The following NTAN1 variants were observed in gnomAD, a reference collection of about 807,000 sequenced individuals.
NTAN1 encodes the protein protein N-terminal asparagine amidohydrolase.
Under a neutral mutation model 41.9 loss-of-function variants are expected in NTAN1, and 32 were observed. That is an observed-to-expected ratio of 0.76 (90% CI 0.58 to 1.03). NTAN1 has a LOEUF of 1.03. Ranked by LOEUF, NTAN1 falls within the 50% of genes least tolerant of loss-of-function variation. The pLI, the probability that NTAN1 is intolerant of heterozygous loss-of-function variation, is 0.00. For synonymous variants in NTAN1, 140 were observed against 139.5 expected (o/e 1.00, Z -0.03); for missense variants, 377 against 377.5 (o/e 1.00, Z 0.01).
intron 7 of NTAN1, 44 bp downstream of exon 7, chr16:15,041,024 C>T: frequency 1.5e-6 from 2 of 1,332,414 alleles, no homozygotes; most frequent in South Asian, 1.2e-5. Context: ...TTTAACTGCA[C>T]ATGTGACCAA....
At chr16:15,044,519 C>T (rs1389483727) in intron 4 of NTAN1, 112 bp from the exon 5 acceptor site, 4 of 747,072 alleles carry the variant, frequency 5.4e-6, no homozygotes, top group South Asian at 4.6e-5. Context: ...TACAGCAGAG[C>T]TGCAGGTCAT....
Position 15,047,498 on chromosome 16 carries a change from C to A in NTAN1, c.303G>T (p.Glu101Asp). The A allele has an allele frequency of 1.2e-6, 2 of 1,614,106 alleles. No individual in the cohort carries two copies. The highest frequency in any genetic ancestry group is 1.7e-6 in the Non-Finnish European group (2 of 1,179,962). Residue 101 changes from glutamate to aspartate, a missense_variant, in exon 4 of 10, where the codon GAG becomes GAT. Coordinates refer to ENST00000287706, the MANE Select transcript of NTAN1 (RefSeq NM_173474.4). ...THCDGTDTKA[E>D]VPLIMNSIKS... ...TTATGGAGTTCATGATCAAGGGGAC[C>A]TCAGCTTTGGTGTCGGTTCCGTCAC...
chr16:15,041,416 C>T (rs565231910), intron 6 of NTAN1, among the ~76,000 whole-genome samples: 1 of 152,074 alleles, frequency 6.6e-6, no homozygotes, highest in East Asian at 1.9e-4. Flanking sequence ...TCCTGGTAGA[C>T]GAGGGGGCTG....
chr16:15,044,362 C>T lies in NTAN1; in HGVS notation c.405G>A (p.Leu135=), dbSNP rs759104401. 6.2e-6 allele frequency: 10 copies of T among 1,613,340 alleles called. No homozygotes were observed. The South Asian group carries it at 7.7e-5, about 12-fold the overall frequency. The change falls in exon 5 of 10, where the codon TTG becomes TTA. Residue 135 remains leucine, a synonymous_variant. Coordinates refer to ENST00000287706, the MANE Select transcript of NTAN1 (RefSeq NM_173474.4). ...GAAGTTGATGAGTGAGTTTTTGTGACAACTGCCTGTCGTCACTGAAGCCTC... is the reference window on the plus strand; with the variant it reads ...GAAGTTGATGAGTGAGTTTTTGTGATAACTGCCTGTCGTCACTGAAGCCTC... ...LVGGFSDDRQ[L]SQKLTHQLLS...
At chr16:15,044,121 A>T (rs1035082782) in intron 5 of NTAN1, among the ~76,000 whole-genome samples, 1 of 151,968 alleles carries the variant, frequency 6.6e-6, no homozygotes, top group Non-Finnish European at 1.5e-5. Flanking sequence ...TTTAGTAGAA[A>T]ATCTTGTCCC....
At position 15,040,398 on chromosome 16, in the gene NTAN1, G is replaced by A. The variant is rs1597754058; in HGVS notation, c.542-332C>T. 3 of 286,310 alleles carry A rather than the reference G, an allele frequency of 1.0e-5. No individual in the cohort carries two copies. The East Asian group carries it at 2.0e-4, about 20-fold the overall frequency. The allele number at this position is 286,310 out of a possible 1,614,324, so 17.7% of individuals were successfully genotyped here. On this transcript the variant is annotated intron_variant, in intron 7 of 9. Coordinates refer to ENST00000287706, the MANE Select transcript of NTAN1 (RefSeq NM_173474.4). ...GGTGTACGGCCAGGGGTGGCTGGGT[G>A]AACTGTGATCGTTCTGTTTGAATCT...
intron 1 of NTAN1, among the ~76,000 whole-genome samples, chr16:15,049,185 C>T (rs1283652311): frequency 6.6e-6 from 1 of 151,678 alleles, no homozygotes; most frequent in Non-Finnish European, 1.5e-5. Flanking sequence ...CACACCGCCA[C>T]ACCTGGCTGA....
Position 15,056,006 on chromosome 16 carries a change from C to A in NTAN1, c.-35G>T. ...GGCCGCCCAGGCAGGCCCAGGGAGG[C>A]GGCGGCCCCCCGCTTTGCAGCCCCG... On this transcript the variant is annotated 5_prime_UTR_variant, in exon 1 of 10. Coordinates refer to ENST00000287706, the MANE Select transcript of NTAN1 (RefSeq NM_173474.4). The A allele has an allele frequency of 8.8e-7, 1 of 1,139,780 alleles. No individual in the cohort carries two copies. Among genetic ancestry groups the A allele is most frequent in the Non-Finnish European group, 1.1e-6 (1 of 915,952 alleles). 70.6% of individuals were successfully genotyped at this position (1,139,780 alleles called of 1,614,324 possible).
In NTAN1 at chr16:15,041,633, T is replaced by C. The variant is rs768760001; in HGVS notation, c.477A>G (p.Leu159=). The change falls in exon 6 of 10, where the codon TTA becomes TTG. Residue 159 remains leucine (L), a synonymous_variant. Transcript: ENST00000287706. The part of the protein sequence containing the change: ...RQEDDIHLVT[L]CVTELNDREE... ...AATGGCAGGACTTACCTGTCACACA[T>C]AATGTCACTAAGTGAATGTCATCTT... 3.7e-6 allele frequency: 6 copies of C among 1,610,324 alleles called. No homozygotes were observed. The African/African-American group carries it at 4.0e-5, about 11-fold the overall frequency.
chr16:15,038,344 T>C, intron 9 of NTAN1, 134 bp from the exon 10 acceptor site: 1 of 659,926 alleles, frequency 1.5e-6, no homozygotes. Flanking sequence ...GTGGCCTGAA[T>C]TAGTAAGAAA....
intron 4 of NTAN1, among the ~76,000 whole-genome samples, chr16:15,046,960 C>A (rs374257380): frequency 6.6e-6 from 1 of 152,256 alleles, no homozygotes; most frequent in South Asian, 2.1e-4. Context: ...TTCTCCACAG[C>A]CCCGCCTCAC....
At chr16:15,047,372 T>C in intron 4 of NTAN1, 70 bp downstream of exon 4, 1 of 1,020,372 alleles carries the variant, frequency 9.8e-7, no homozygotes, top group South Asian at 1.3e-5. Flanking sequence ...CCTAACAGCT[T>C]CCACAGCCAC....
intron 1 of NTAN1, among the ~76,000 whole-genome samples, chr16:15,054,356 C>G (rs987104149): frequency 6.6e-6 from 1 of 152,194 alleles, no homozygotes; most frequent in Non-Finnish European, 1.5e-5. Flanking sequence ...CCCGGTATGT[C>G]ACCAAATCTC....
chr16:15,038,707 G>A lies in NTAN1; in HGVS notation c.640-20C>T. On this transcript the variant is annotated intron_variant, in intron 8 of 9. Coordinates refer to ENST00000287706, the MANE Select transcript of NTAN1 (RefSeq NM_173474.4). ...AATCATCTAAAAAAGAACGTGTCAA[G>A]GATAGAATTTCAGGAATGTCACCCA... 7.3e-7 allele frequency: 1 copy of A among 1,378,752 alleles called. No individual in the cohort carries two copies. The highest frequency in any genetic ancestry group is 2.3e-5 in the East Asian group (1 of 43,584). The allele number at this position is 1,378,752 out of a possible 1,614,324, so 85.4% of individuals were successfully genotyped here. A position where few individuals can be genotyped will look rare whatever the true frequency, so the allele number is the denominator to read the frequency against.
At chr16:15,051,701 T>TA (rs1047010572) in intron 1 of NTAN1, among the ~76,000 whole-genome samples, 1 of 146,570 alleles carries the variant, frequency 6.8e-6, no homozygotes, top group African/African-American at 2.5e-5. Context: ...ATTTTTAATT[T>TA]TTTTTTTTTT....
In NTAN1 at chr16:15,047,512, C is replaced by T. The variant is rs745459557; in HGVS notation, c.289G>A (p.Asp97Asn). 10 of 1,614,014 alleles carry T rather than the reference C, an allele frequency of 6.2e-6. No individual in the cohort carries two copies. The highest frequency in any genetic ancestry group is 1.6e-4 in the Middle Eastern group (1 of 6,062). ...ATCLTHCDGT[D>N]TKAEVPLIMN... ...ATCAAGGGGACCTCAGCTTTGGTGT[C>T]GGTTCCGTCACAATGTGTCAAGCAG... Residue 97 changes from aspartate to asparagine, a missense_variant, in exon 4 of 10, where the codon GAC becomes AAC. Coordinates refer to ENST00000287706, the MANE Select transcript of NTAN1 (RefSeq NM_173474.4).
At chr16:15,055,665 C>A (rs1003898852) in intron 1 of NTAN1, 4 of 362,002 alleles carry the variant, frequency 1.1e-5, no homozygotes, top group African/African-American at 2.1e-5. Context: ...CTCTCTGGGC[C>A]CCCGTCCCCT....
chr16:15,040,436 A>G (rs950666103), intron 7 of NTAN1: 1 of 213,094 alleles, frequency 4.7e-6, no homozygotes, highest in African/African-American at 2.3e-5. Context: ...ACAATTTAGT[A>G]TTTTATACAT....
Position 15,056,028 on chromosome 16 carries a change from C to G in NTAN1, c.-57G>C. Reference sequence around the variant, plus strand: ...AGGCGGCGGCCCCCCGCTTTGCAGCCCCGGGCCGCCCGCCGCCCCCGCCCC... The same window carrying G: ...AGGCGGCGGCCCCCCGCTTTGCAGCGCCGGGCCGCCCGCCGCCCCCGCCCC... On this transcript the variant is annotated 5_prime_UTR_variant, in exon 1 of 10. Transcript: ENST00000287706. The G allele has an allele frequency of 1.2e-6, 1 of 834,414 alleles. No individual in the cohort carries two copies. The allele number at this position is 834,414 out of a possible 1,614,324, so 51.7% of individuals were successfully genotyped here. A position where few individuals can be genotyped will look rare whatever the true frequency, so the allele number is the denominator to read the frequency against.
Sources: gnomAD v4.1 joint callset for allele counts (sites outside exome capture counted in the v4.1 genomes callset) on GRCh38, gnomAD v4.1.1 for gene constraint, MANE v1.5 for transcripts, NCBI Gene and HGNC (gene_info 2026-07-23, HGNC 2026-07-21) for gene names.